Variants in ALPK2 observed in about 807,000 individuals in gnomAD.
The protein encoded by ALPK2 is alpha kinase 2.
In ALPK2, 127 loss-of-function variants were observed where a neutral mutation model predicts 163.1. That is an observed-to-expected ratio of 0.78 (90% CI 0.67 to 0.90). The LOEUF is 0.90. ALPK2 is among the 40% of genes least tolerant of loss of function. The pLI, the probability that ALPK2 is intolerant of heterozygous loss-of-function variation, is 0.00. For synonymous variants in ALPK2, 953 were observed against 959.1 expected (o/e 0.99, Z 0.12); for missense variants, 2,360 against 2,589.6 (o/e 0.91, Z 1.92).
chr18:58,598,606 C>T (rs1034480926), intron 3 of ALPK2, among the ~76,000 whole-genome samples: 8 of 152,192 alleles, frequency 5.3e-5, no homozygotes, highest in African/African-American at 1.9e-4. Context: ...CTTTCTCAGT[C>T]CTGCCCTCTC....
chr18:58,617,250 G>C (rs1027376111), intron 1 of ALPK2, among the ~76,000 whole-genome samples: 2 of 152,114 alleles, frequency 1.3e-5, no homozygotes, highest in African/African-American at 4.8e-5. Flanking sequence ...GCAATGGCAC[G>C]ATCTCAGCTC....
At chr18:58,574,293 A>G (rs1305964250) in intron 4 of ALPK2, among the ~76,000 whole-genome samples, 2 of 149,394 alleles carry the variant, frequency 1.3e-5, no homozygotes, top group East Asian at 3.9e-4. Flanking sequence ...AAAAAAAAAA[A>G]CAAAAATCAG....
At chr18:58,561,819 G>A (rs1329606983) in intron 4 of ALPK2, among the ~76,000 whole-genome samples, 1 of 152,206 alleles carries the variant, frequency 6.6e-6, no homozygotes, top group Non-Finnish European at 1.5e-5. Context: ...TTCTCAGGCT[G>A]TGGGAGCTGT....
intron 3 of ALPK2, 139 bp downstream of exon 3, chr18:58,607,183 C>G (rs978442098): frequency 1.1e-5 from 6 of 551,328 alleles, no homozygotes; most frequent in Non-Finnish European, 1.6e-5. Context: ...GGTGCTTTGG[C>G]AGATGCCTGC....
intron 1 of ALPK2, among the ~76,000 whole-genome samples, chr18:58,617,211 G>T (rs755271321): frequency 1.6e-4 from 24 of 152,042 alleles, no homozygotes; most frequent in Non-Finnish European, 2.6e-4. Flanking sequence ...TTTATTGAGA[G>T]AGTCTCACTA....
chr18:58,622,220 A>G (rs895598912), intron 1 of ALPK2, among the ~76,000 whole-genome samples: 2 of 151,932 alleles, frequency 1.3e-5, no homozygotes, highest in Non-Finnish European at 2.9e-5. Flanking sequence ...GGTGGCACAC[A>G]CCTGTAATCC....
At position 58,535,959 on chromosome 18, in the gene ALPK2, T is replaced by C. The variant is rs765968208; in HGVS notation, c.4228A>G (p.Ser1410Gly). The C allele has an allele frequency of 3.1e-6, 5 of 1,614,236 alleles. No individual in the cohort carries two copies. Among genetic ancestry groups the C allele is most frequent in the Non-Finnish European group, 4.2e-6 (5 of 1,180,030 alleles). ...ESSVDPIDEI[S>G]VIEYTRAGKP... ...CCAGCCCTGGTGTACTCTATCACACTTATCTCATCAATGGGATCTACAGAG... is the reference window on the plus strand; with the variant it reads ...CCAGCCCTGGTGTACTCTATCACACCTATCTCATCAATGGGATCTACAGAG... The change falls in exon 5 of 13, where the codon AGT (serine) becomes GGT (glycine). Residue 1410 changes from serine (S) to glycine (G), a missense_variant. Physicochemically the swap from Ser to Gly is moderately conservative, Grantham distance 56 (BLOSUM62 0). Coordinates refer to ENST00000361673, the MANE Select transcript of ALPK2 (RefSeq NM_052947.4).
At position 58,535,106 on chromosome 18, in the gene ALPK2, C is replaced by G; in HGVS notation, c.5081G>C (p.Arg1694Pro). 2 of 1,614,090 alleles carry G rather than the reference C, an allele frequency of 1.2e-6. No homozygotes were observed. The highest frequency in any genetic ancestry group is 1.7e-6 in the Non-Finnish European group (2 of 1,180,010). Residue 1694 changes from arginine (R) to proline (P), a missense_variant, in exon 5 of 13, where the codon CGA becomes CCA. Transcript: ENST00000361673. ...SREREKSLEA[R>P]AGKSPGTLTA... ...GAGGGTCCCTGGCGATTTGCCTGCT[C>G]GGGCTTCCAGGGACTTCTCTCTCTC...
At position 58,538,186 on chromosome 18, in the gene ALPK2, G is replaced by T. The variant is rs1161187133; in HGVS notation, c.2001C>A (p.Cys667Ter). The T allele has an allele frequency of 1.2e-6, 2 of 1,612,420 alleles. No homozygotes were observed. Among genetic ancestry groups the T allele is most frequent in the African/African-American group, 2.7e-5 (2 of 74,912 alleles). ...GCTCTGAGAAAGCTGGCATCTGGCT[G>T]CAAGAGATTGTCTCTCTGACTGTTT... ...VQETVRETIS[C>*]SQMPAFSEPA... Residue 667 changes from cysteine (C) to a stop codon, truncating the protein, a stop_gained, in exon 5 of 13, where the codon TGC becomes TGA. Coordinates refer to ENST00000361673, the MANE Select transcript of ALPK2 (RefSeq NM_052947.4). LOFTEE classifies it high-confidence loss of function.
At chr18:58,513,989 A>C (rs983462450) in intron 10 of ALPK2, among the ~76,000 whole-genome samples, 2 of 152,194 alleles carry the variant, frequency 1.3e-5, no homozygotes, top group Non-Finnish European at 2.9e-5. Context: ...GGTAGGGTTG[A>C]CTTGTGGGTT....
chr18:58,549,655 C>T (rs2051739460), intron 4 of ALPK2, among the ~76,000 whole-genome samples: 1 of 152,218 alleles, frequency 6.6e-6, no homozygotes, highest in Admixed American at 6.5e-5. Context: ...GAAACCGATC[C>T]TGTCTTCCTC....
chr18:58,624,040 A>G (rs1294782455), intron 1 of ALPK2, among the ~76,000 whole-genome samples: 1 of 152,214 alleles, frequency 6.6e-6, no homozygotes, highest in Non-Finnish European at 1.5e-5. Flanking sequence ...AGCCTCTTCC[A>G]TCACTCAGCA....
At chr18:58,525,276 G>A (rs1374596341) in intron 6 of ALPK2, among the ~76,000 whole-genome samples, 1 of 152,144 alleles carries the variant, frequency 6.6e-6, no homozygotes, top group Non-Finnish European at 1.5e-5. Flanking sequence ...CATTCCTGGG[G>A]TCTCTGAACA....
Position 58,481,603 on chromosome 18 carries a change from G to A in ALPK2, c.*220C>T. On this transcript the variant is annotated 3_prime_UTR_variant, in exon 13 of 13. Coordinates refer to ENST00000361673, the MANE Select transcript of ALPK2 (RefSeq NM_052947.4). ...TGGACTGTCTTTGAGACCAATCGTTGATTCAATCTCCCCATAAACCTGGTC... is the reference window on the plus strand; with the variant it reads ...TGGACTGTCTTTGAGACCAATCGTTAATTCAATCTCCCCATAAACCTGGTC... The A allele has an allele frequency of 1.7e-6, 1 of 577,468 alleles. No individual in the cohort carries two copies. Among genetic ancestry groups the A allele is most frequent in the Non-Finnish European group, 3.1e-6 (1 of 321,354 alleles). 35.8% of individuals were successfully genotyped at this position (577,468 alleles called of 1,614,324 possible).
intron 4 of ALPK2, among the ~76,000 whole-genome samples, chr18:58,554,404 T>A (rs1568083816): frequency 6.6e-6 from 1 of 152,216 alleles, no homozygotes; most frequent in South Asian, 2.1e-4. Flanking sequence ...GGTAGTGTGA[T>A]GGGCTTCAGA....
At chr18:58,520,861 T>C (rs983816193) in intron 8 of ALPK2, among the ~76,000 whole-genome samples, 1 of 152,088 alleles carries the variant, frequency 6.6e-6, no homozygotes, top group Non-Finnish European at 1.5e-5. Context: ...AAAGTAATTT[T>C]CCAAATCAGC....
At chr18:58,491,962 G>C (rs886714687) in intron 12 of ALPK2, among the ~76,000 whole-genome samples, 2 of 152,220 alleles carry the variant, frequency 1.3e-5, no homozygotes, top group African/African-American at 4.8e-5. Context: ...GGTGGATAGA[G>C]GCAAAGCCAC....
intron 4 of ALPK2, among the ~76,000 whole-genome samples, chr18:58,542,620 A>G (rs60099205): frequency 0.041 from 6,174 of 152,242 alleles, 313 homozygotes; most frequent in African/African-American, 0.12. Flanking sequence ...TACTCTAGGT[A>G]AGGGAAAGTA....
In ALPK2 at chr18:58,537,710, G is replaced by C; in HGVS notation, c.2477C>G (p.Pro826Arg). ...TTCTTGAGGCGAATATTTATCAACT[G>C]GTCTCCCAACAAGAGAATCTATGGT... Reference protein sequence around the residue: ...FDTIDSLVGRPVDKYSPQEIC... With the variant: ...FDTIDSLVGRRVDKYSPQEIC... The change falls in exon 5 of 13, where the codon CCA becomes CGA. Residue 826 changes from proline to arginine, a missense_variant. Pro to Arg is a moderately radical substitution (Grantham distance 103). Coordinates refer to ENST00000361673, the MANE Select transcript of ALPK2 (RefSeq NM_052947.4). The C allele has an allele frequency of 3.1e-6, 5 of 1,614,072 alleles. No homozygotes were observed. Among genetic ancestry groups the C allele is most frequent in the Non-Finnish European group, 4.2e-6 (5 of 1,179,966 alleles).
Sources: allele counts gnomAD v4.1 joint callset (sites outside exome capture counted in the v4.1 genomes callset), GRCh38; gene constraint gnomAD v4.1.1; transcripts MANE v1.5; gene names NCBI Gene and HGNC (gene_info 2026-07-23, HGNC 2026-07-21).